RBFOX1: variants seen among roughly 807,000 people sequenced by gnomAD.
RBFOX1 encodes RNA binding fox-1 homolog 1.
A neutral mutation model predicts 57.7 loss-of-function variants in RBFOX1; 8 were observed. That is an observed-to-expected ratio of 0.14 (90% CI 0.08 to 0.25). The LOEUF (loss-of-function observed/expected upper bound fraction) is 0.25. Ranked by LOEUF, RBFOX1 falls within the 10% of genes least tolerant of loss-of-function variation. RBFOX1 has a pLI of 1.00. For missense variants in RBFOX1, 611 were observed against 548.5 expected, an observed-to-expected ratio of 1.11 and a Z score of -1.14; for synonymous variants, 326 against 222.4, an observed-to-expected ratio of 1.47 and a Z score of -4.15.
At chr16:6,257,226 C>T (rs776911611) in intron 1 of RBFOX1, among the ~76,000 whole-genome samples, 2 of 152,024 alleles carry the variant, frequency 1.3e-5, no homozygotes, top group African/African-American at 4.8e-5. Context: ...AGGTATTAAG[C>T]CCTGCATGTG....
intron 3 of RBFOX1, among the ~76,000 whole-genome samples, chr16:5,642,748 C>A (rs1458856656): frequency 6.6e-6 from 1 of 152,094 alleles, no homozygotes; most frequent in African/African-American, 2.4e-5. Context: ...GGCCTCTCTT[C>A]CTTGCCACAA....
chr16:5,500,761 C>G (rs945078284), intron 2 of RBFOX1, among the ~76,000 whole-genome samples: 7 of 152,148 alleles, frequency 4.6e-5, no homozygotes, highest in Admixed American at 2.0e-4. Flanking sequence ...ATTCCATAAG[C>G]TTTTTGCGTG....
At chr16:6,811,741 T>G (rs917889860) in intron 3 of RBFOX1, among the ~76,000 whole-genome samples, 11 of 151,962 alleles carry the variant, frequency 7.2e-5, no homozygotes, top group African/African-American at 9.7e-5. Context: ...ATACAGAAAT[T>G]AGCTGGGCGT....
At chr16:6,883,830 T>A (rs151077108) in intron 3 of RBFOX1, among the ~76,000 whole-genome samples, 1 of 152,122 alleles carries the variant, frequency 6.6e-6, no homozygotes, top group African/African-American at 2.4e-5. Context: ...TATCTCTTTT[T>A]TCCCCCTAGG....
At chr16:7,232,669 C>G (rs1035091846) in intron 4 of RBFOX1, among the ~76,000 whole-genome samples, 3 of 151,940 alleles carry the variant, frequency 2.0e-5, no homozygotes, top group South Asian at 2.1e-4. Flanking sequence ...TGGAGAAACC[C>G]TGTCTCTACT....
intron 3 of RBFOX1, among the ~76,000 whole-genome samples, chr16:6,864,046 GC>G (rs2059492158): frequency 6.9e-6 from 1 of 145,766 alleles, no homozygotes; most frequent in African/African-American, 2.6e-5. Context: ...AACCTGCCTA[GC>G]AAAAGCTGAA....
At chr16:5,722,920 C>G (rs549009011) in intron 3 of RBFOX1, among the ~76,000 whole-genome samples, 56 of 152,236 alleles carry the variant, frequency 3.7e-4, no homozygotes, top group African/African-American at 1.3e-3. Context: ...AAGTTCTCAC[C>G]ATATTTAATG....
intron 14 of RBFOX1, among the ~76,000 whole-genome samples, chr16:7,690,282 A>G (rs956948480): frequency 2.0e-5 from 3 of 151,978 alleles, no homozygotes; most frequent in African/African-American, 7.2e-5. Flanking sequence ...ATTCACCTCA[A>G]CAAGTGATTT....
At chr16:6,343,754 T>G (rs2084914093) in intron 2 of RBFOX1, among the ~76,000 whole-genome samples, 1 of 152,224 alleles carries the variant, frequency 6.6e-6, no homozygotes, top group South Asian at 2.1e-4. Context: ...CGTCTTGAGA[T>G]TTGAATCAGT....
downstream of RBFOX1, among the ~76,000 whole-genome samples, chr16:5,602,246 CAT>C (rs1341411708): frequency 2.6e-5 from 4 of 152,248 alleles, no homozygotes; most frequent in African/African-American, 4.8e-5. Context: ...CTCACATTCA[CAT>C]GTGTCAAAAT....
At chr16:6,851,263 C>T (rs761622706) in intron 3 of RBFOX1, among the ~76,000 whole-genome samples, 13 of 152,088 alleles carry the variant, frequency 8.5e-5, no homozygotes, top group African/African-American at 1.4e-4. Flanking sequence ...GCGTGGTTGC[C>T]GGGGTCAGGA....
intron 2 of RBFOX1, among the ~76,000 whole-genome samples, chr16:6,456,749 A>G (rs2429651): frequency 0.8 from 121,395 of 152,058 alleles, 48,570 homozygotes; most frequent in Middle Eastern, 0.87. Context: ...TCCGTGAGAC[A>G]CAGAGCAAGA....
chr16:5,673,099 C>A (rs529039845), intron 3 of RBFOX1, among the ~76,000 whole-genome samples: 1 of 152,182 alleles, frequency 6.6e-6, no homozygotes, highest in Admixed American at 6.5e-5. Flanking sequence ...TCTCTGCATC[C>A]TTTGGAAAAG....
chr16:7,045,334 C>G (rs1294688738), intron 3 of RBFOX1, among the ~76,000 whole-genome samples: 1 of 152,142 alleles, frequency 6.6e-6, no homozygotes, highest in African/African-American at 2.4e-5. Flanking sequence ...ATATGGGATG[C>G]TGTGCAGGGA....
intron 1 of RBFOX1, among the ~76,000 whole-genome samples, chr16:6,067,907 A>C (rs2152475988): frequency 6.6e-6 from 1 of 152,328 alleles, no homozygotes; most frequent in East Asian, 1.9e-4. Flanking sequence ...AATTGGGGTA[A>C]ATTTATGATC....
intron 4 of RBFOX1, among the ~76,000 whole-genome samples, chr16:7,478,060 C>T (rs1381885647): frequency 6.6e-6 from 1 of 152,208 alleles, no homozygotes; most frequent in Non-Finnish European, 1.5e-5. Context: ...CGAATAAGTG[C>T]ATTTCAAATG....
At chr16:7,621,534 T>G in intron 10 of RBFOX1, among the ~76,000 whole-genome samples, 1 of 152,202 alleles carries the variant, frequency 6.6e-6, no homozygotes, top group Non-Finnish European at 1.5e-5. Context: ...AGTGCTGGGA[T>G]TACAGGCAGG....
intron 2 of RBFOX1, among the ~76,000 whole-genome samples, chr16:6,421,106 G>A (rs547204170): frequency 1.4e-4 from 22 of 152,324 alleles, no homozygotes; most frequent in African/African-American, 5.1e-4. Context: ...CTGGATGTGA[G>A]CAAGCTTGGA....
intron 2 of RBFOX1, among the ~76,000 whole-genome samples, chr16:6,389,206 C>G (rs919174694): frequency 6.6e-6 from 1 of 152,120 alleles, no homozygotes; most frequent in South Asian, 2.1e-4. Flanking sequence ...TTTCTTTTCT[C>G]CTTCATAGAG....
Sources: allele counts gnomAD v4.1 joint callset (sites outside exome capture counted in the v4.1 genomes callset), GRCh38; gene constraint gnomAD v4.1.1; transcripts MANE v1.5; gene names NCBI Gene and HGNC (gene_info 2026-07-23, HGNC 2026-07-21).